The following UBXN8 variants were observed in gnomAD, a reference collection of about 807,000 sequenced individuals.
UBXN8 encodes UBX domain-containing protein 8.
UBXN8 carries 27 observed loss-of-function variants against 32.1 expected under a neutral mutation model. The observed-to-expected ratio is 0.84, with a 90% CI of 0.62 to 1.16. The LOEUF is 1.16. Among genes scored for constraint, UBXN8 ranks in the 50% most tolerant of loss-of-function variants. UBXN8 has a pLI of 0.00. For missense variants in UBXN8, 306 were observed against 311.4 expected (o/e 0.98, Z 0.13); for synonymous variants, 109 against 111.8 (o/e 0.98, Z 0.16).
chr8:30,731,443 TC>T (rs1443538792), upstream of UBXN8, among the ~76,000 whole-genome samples: 2 of 152,176 alleles, frequency 1.3e-5, no homozygotes, highest in Admixed American at 1.3e-4. Context: ...AAGTGATTCA[TC>T]AGTTTTTGTA....
At position 30,753,505 on chromosome 8, in the gene UBXN8, C is replaced by T. The variant is rs547466637; in HGVS notation, c.282+400C>T. ...CTCCTGACCTCAGGTGATCCACCTG[C>T]CTCGGCCTCCCAAAATGCTGGGATT... On this transcript the variant is annotated intron_variant, in intron 3 of 7. Coordinates refer to ENST00000265616, the MANE Select transcript of UBXN8 (RefSeq NM_005671.4). Among the ~76,000 whole-genome samples the T allele has an allele frequency of 2.0e-5, 3 of 152,282 alleles. No homozygotes were observed. In the South Asian group the frequency reaches 6.2e-4, roughly 32 times the overall value.
chr8:30,750,204 G>A (rs1805482226), intron 1 of UBXN8, among the ~76,000 whole-genome samples: 1 of 152,020 alleles, frequency 6.6e-6, no homozygotes, highest in African/African-American at 2.4e-5. Context: ...GGGTGTGGTG[G>A]CTCACACCTA....
upstream of UBXN8, chr8:30,732,167 T>C (rs1412843976): frequency 1.5e-5 from 5 of 343,496 alleles, no homozygotes; most frequent in African/African-American, 8.6e-5. Context: ...TCCCCCACCA[T>C]CTTCGGGGAG....
chr8:30,735,675 C>A (rs1242692342), intron 1 of UBXN8, among the ~76,000 whole-genome samples: 3 of 152,114 alleles, frequency 2.0e-5, no homozygotes, highest in African/African-American at 2.4e-5. Context: ...CCTGTCTCTA[C>A]TAAAAATACA....
At chr8:30,736,945 A>C (rs559594092) in intron 1 of UBXN8, among the ~76,000 whole-genome samples, 1 of 152,220 alleles carries the variant, frequency 6.6e-6, no homozygotes, top group South Asian at 2.1e-4. Context: ...CCCTCCCCCA[A>C]GAGGTAATCA....
At chr8:30,750,045 C>A (rs1805478955) in intron 1 of UBXN8, among the ~76,000 whole-genome samples, 1 of 152,158 alleles carries the variant, frequency 6.6e-6, no homozygotes, top group South Asian at 2.1e-4. Context: ...AGTGTTTATT[C>A]TAGAATTATG....
chr8:30,760,279 A>G (rs1443761033), intron 5 of UBXN8, among the ~76,000 whole-genome samples: 2 of 150,142 alleles, frequency 1.3e-5, no homozygotes, highest in African/African-American at 4.9e-5. Flanking sequence ...CACGCTGATC[A>G]TGAACTCTTG....
At chr8:30,734,635 A>AT (rs1045044616) in intron 1 of UBXN8, among the ~76,000 whole-genome samples, 12 of 151,402 alleles carry the variant, frequency 7.9e-5, no homozygotes, top group African/African-American at 2.9e-4. Context: ...AAAAAAAAAA[A>AT]TTTCTTTCAA....
chr8:30,731,374 G>T (rs186499334), upstream of UBXN8, among the ~76,000 whole-genome samples: 35 of 152,304 alleles, frequency 2.3e-4, no homozygotes, highest in African/African-American at 8.2e-4. Flanking sequence ...TCGGAGCCAT[G>T]GGAGTTTCAG....
chr8:30,766,479 C>A lies in UBXN8; in HGVS notation c.*85C>A. Reference sequence around the variant, plus strand: ...ATAAAGGCTTCACTTTCAAATCACACTATACCTTGATTGAGCTCATGGCAG... The same window carrying A: ...ATAAAGGCTTCACTTTCAAATCACAATATACCTTGATTGAGCTCATGGCAG... On this transcript the variant is annotated 3_prime_UTR_variant, in exon 8 of 8. Transcript: ENST00000265616. 1.5e-6 allele frequency: 2 copies of A among 1,377,644 alleles called. No individual in the cohort carries two copies. Among genetic ancestry groups the A allele is most frequent in the Admixed American group, 2.7e-5 (1 of 36,700 alleles). The allele number at this position is 1,377,644 out of a possible 1,614,324, so 85.3% of individuals were successfully genotyped here.
At position 30,738,932 on chromosome 8, in the gene UBXN8, G is replaced by A. The variant is rs1352221809; in HGVS notation, c.622+5624G>A. On this transcript the variant is annotated intron_variant, in intron 1 of 1. Transcript: ENST00000522968. ...GATTGTGCTATTGCACTCCAGCGTG[G>A]GCAACAAGAGTGAAACTCCATCTCA... Among the ~76,000 whole-genome samples, 8 of 150,952 alleles carry A rather than the reference G, an allele frequency of 5.3e-5. 1 individual carries two copies. The East Asian group carries it at 1.6e-3, about 30-fold the overall frequency.
chr8:30,744,449 T>A, intron 1 of UBXN8, 172 bp downstream of exon 1: 3 of 656,834 alleles, frequency 4.6e-6, no homozygotes, highest in Non-Finnish European at 8.0e-6. Flanking sequence ...TCGAGGAACC[T>A]TTTCCCTCCA....
At chr8:30,761,327 G>A (rs1023810282) in intron 6 of UBXN8, among the ~76,000 whole-genome samples, 7 of 151,680 alleles carry the variant, frequency 4.6e-5, no homozygotes, top group South Asian at 2.1e-4. Flanking sequence ...TCACTGCAGC[G>A]TCCGCCTCCT....
chr8:30,739,297 C>T (rs1477606002), upstream of UBXN8, among the ~76,000 whole-genome samples: 2 of 150,984 alleles, frequency 1.3e-5, no homozygotes, highest in African/African-American at 4.8e-5. Context: ...GTAATCCCAG[C>T]ACTTTGGGAG....
At chr8:30,750,817 GGA>G (rs1467840877) in intron 1 of UBXN8, among the ~76,000 whole-genome samples, 40 of 6,692 alleles carry the variant, frequency 6.0e-3, no homozygotes, top group Non-Finnish European at 0.056. Context: ...AAAAAAAGAA[GGA>G]AAAAAAAAAA....
At position 30,749,387 on chromosome 8, in the gene UBXN8, C is replaced by T. The variant is rs1263716737; in HGVS notation, c.89-2009C>T. Among the ~76,000 whole-genome samples, 10 of 79,404 alleles carry T rather than the reference C, an allele frequency of 1.3e-4. No individual in the cohort carries two copies. The Admixed American group carries it at 1.4e-3, about 11-fold the overall frequency. The allele number at this position is 79,404 out of a possible 152,430, so 52.1% of individuals were successfully genotyped here. On this transcript the variant is annotated intron_variant, in intron 1 of 7. Coordinates refer to ENST00000265616, the MANE Select transcript of UBXN8 (RefSeq NM_005671.4). ...CAGCCTGAGCAACAGACTGAGGCTC[C>T]GTCTCAAAAAAAAAAAATAAAATAA... is the stretch of plus-strand genomic sequence containing the variant.
chr8:30,760,644 T>C (rs747010441), intron 5 of UBXN8, among the ~76,000 whole-genome samples: 5 of 151,784 alleles, frequency 3.3e-5, no homozygotes, highest in Admixed American at 6.6e-5. Context: ...GCAAAATCCT[T>C]TAAGTATGTA....
intron 5 of UBXN8, 21 bp downstream of exon 5, chr8:30,756,908 C>G: frequency 6.2e-7 from 1 of 1,613,372 alleles, no homozygotes; most frequent in Non-Finnish European, 8.5e-7. Context: ...TCATGCCTCT[C>G]ATTGAATTGT....
chr8:30,764,362 G>C (rs1699621019), intron 7 of UBXN8, among the ~76,000 whole-genome samples: 1 of 152,184 alleles, frequency 6.6e-6, no homozygotes, highest in Middle Eastern at 3.2e-3. Context: ...TAGAAATGGG[G>C]TTTTGCCATG....
Sources: allele counts gnomAD v4.1 joint callset (sites outside exome capture counted in the v4.1 genomes callset), GRCh38; gene constraint gnomAD v4.1.1; transcripts MANE v1.5; gene names NCBI Gene and HGNC (gene_info 2026-07-23, HGNC 2026-07-21).